HSP90AB1: variants seen among roughly 807,000 people sequenced by gnomAD.
The protein encoded by HSP90AB1 is heat shock protein 90 alpha family class B member 1, also known as heat shock protein HSP 90-beta.
HSP90AB1 carries 17 observed loss-of-function variants against 67.8 expected under a neutral mutation model. The observed-to-expected ratio is 0.25, with a 90% confidence interval of 0.17 to 0.38. HSP90AB1 has a LOEUF of 0.38. HSP90AB1 is among the 10% of genes least tolerant of loss of function. HSP90AB1 has a pLI of 1.00. For missense variants in HSP90AB1, 690 were observed against 899.9 expected (o/e 0.77, Z 2.98); for synonymous variants, 390 against 312.9 (o/e 1.25, Z -2.60).
chr6:44,253,478 T>C lies in HSP90AB1; in HGVS notation c.2066-11T>C, dbSNP rs769591532. 1.2e-6 allele frequency: 2 copies of C among 1,612,228 alleles called. No individual in the cohort carries two copies. Among genetic ancestry groups the C allele is most frequent in the East Asian group, 4.5e-5 (2 of 44,832 alleles). ...TTTGGTCAAGTCTCACATGGCTTAA[T>C]TTTACTTCAGGTATTGATGAAGATG... is the stretch of plus-strand genomic sequence containing the variant. On this transcript the variant is annotated splice_polypyrimidine_tract_variant and intron_variant, in intron 11 of 11. Coordinates refer to ENST00000371646, the MANE Select transcript of HSP90AB1 (RefSeq NM_007355.4).
intron 6 of HSP90AB1, 83 bp from the exon 7 acceptor site, chr6:44,250,965 C>A: frequency 1.6e-6 from 2 of 1,218,188 alleles, no homozygotes. Context: ...TAGGGAGGAT[C>A]ATTGTTCCAC....
At chr6:44,249,991 C>T in intron 4 of HSP90AB1, 30 bp from the exon 5 acceptor site, 3 of 1,613,350 alleles carry the variant, frequency 1.9e-6, no homozygotes, top group South Asian at 1.1e-5. Context: ...ACTTTTTACC[C>T]TGTTACACGC....
At chr6:44,252,796 C>G (rs889894312) in intron 10 of HSP90AB1, among the ~76,000 whole-genome samples, 1 of 149,864 alleles carries the variant, frequency 6.7e-6, no homozygotes, top group Admixed American at 6.6e-5. Flanking sequence ...CATGCCTGGC[C>G]GATTTTTTTT....
At chr6:44,249,312 C>G in intron 2 of HSP90AB1, 65 bp from the exon 3 acceptor site, 1 of 1,363,324 alleles carries the variant, frequency 7.3e-7, no homozygotes, top group Non-Finnish European at 1.0e-6. Context: ...TGCACTGTAG[C>G]TTGGGCAACA....
chr6:44,246,899 G>A (rs1411351030), upstream of HSP90AB1, among the ~76,000 whole-genome samples: 1 of 152,238 alleles, frequency 6.6e-6, no homozygotes, highest in Non-Finnish European at 1.5e-5. Context: ...CTATGGGGCT[G>A]TGATCACAAG....
At position 44,253,263 on chromosome 6, in the gene HSP90AB1, A is replaced by G. The variant is rs370352253; in HGVS notation, c.1950A>G (p.Ala650=). ...CTGAGGCCGACAAGAATGATAAGGC[A>G]GTTAAGGACCTGGTGGTGCTGCTGT... The part of the protein sequence containing the change: ...QKAEADKNDK[A]VKDLVVLLFE... Residue 650 remains alanine (A), a synonymous_variant, in exon 11 of 12, where the codon GCA becomes GCG. Transcript: ENST00000371646. The G allele has an allele frequency of 4.0e-5, 65 of 1,614,128 alleles. No individual in the cohort carries two copies. Among genetic ancestry groups the G allele is most frequent in the Non-Finnish European group, 5.4e-5 (64 of 1,180,042 alleles).
chr6:44,248,372 T>G (rs968603261), intron 1 of HSP90AB1, among the ~76,000 whole-genome samples: 7 of 152,220 alleles, frequency 4.6e-5, no homozygotes, highest in Non-Finnish European at 7.3e-5. Flanking sequence ...TCACCATTCT[T>G]TAAGTAGGTG....
At chr6:44,246,592 G>A (rs1043608003), upstream of HSP90AB1, among the ~76,000 whole-genome samples, 7 of 152,238 alleles carry the variant, frequency 4.6e-5, no homozygotes, top group Non-Finnish European at 8.8e-5. Context: ...CTACTCCTGC[G>A]AGAGTCGGGA....
rs771073911 is a variant in HSP90AB1 at position 44,253,759 on chromosome 6, C to T, written c.*161C>T. 2.6e-6 allele frequency: 2 copies of T among 779,214 alleles called. No homozygotes were observed. Among genetic ancestry groups the T allele is most frequent in the African/African-American group, 1.7e-5 (1 of 59,140 alleles). 48.3% of individuals were successfully genotyped at this position (779,214 alleles called of 1,614,324 possible). A position where few individuals can be genotyped will look rare whatever the true frequency, so the allele number is the denominator to read the frequency against. ...GTTGAAGGCAGTAAACTAAGGGTGT[C>T]AAGCCCCATTCCCTCTCTACTCTTG... On this transcript the variant is annotated 3_prime_UTR_variant, in exon 12 of 12. Coordinates refer to ENST00000371646, the MANE Select transcript of HSP90AB1 (RefSeq NM_007355.4).
Position 44,249,588 on chromosome 6 carries a change from T to C in HSP90AB1, c.354+5T>C. On this transcript the variant is annotated splice_donor_5th_base_variant and intron_variant, in intron 3 of 11. Coordinates refer to ENST00000371646, the MANE Select transcript of HSP90AB1 (RefSeq NM_007355.4). ...GCATTCATGGAGGCTCTTCAGGTAT[T>C]GCAGTTCTGTAGGCATTCATACTTA... is the stretch of plus-strand genomic sequence containing the variant. 3.7e-6 allele frequency: 6 copies of C among 1,613,590 alleles called. No individual in the cohort carries two copies. Among genetic ancestry groups the C allele is most frequent in the Non-Finnish European group, 4.2e-6 (5 of 1,179,512 alleles).
intron 3 of HSP90AB1, 29 bp from the exon 4 acceptor site, chr6:44,249,646 C>T: frequency 1.9e-6 from 3 of 1,611,360 alleles, no homozygotes; most frequent in Non-Finnish European, 2.5e-6. Flanking sequence ...TTCTTTAAAA[C>T]TTGTGATTGA....
At position 44,250,452 on chromosome 6, in the gene HSP90AB1, G is replaced by A. The variant is rs750624640; in HGVS notation, c.810G>A (p.Lys270=). 3.7e-6 allele frequency: 6 copies of A among 1,613,766 alleles called. No individual in the cohort carries two copies. The highest frequency in any genetic ancestry group is 4.2e-6 in the Non-Finnish European group (5 of 1,179,786). ...GTAAGGATAAGAAGAAGAAAACTAAGAAGATCAAAGAGAAATACATTGATC... is the reference window on the plus strand; with the variant it reads ...GTAAGGATAAGAAGAAGAAAACTAAAAAGATCAAAGAGAAATACATTGATC... ...DSGKDKKKKT[K]KIKEKYIDQE... Residue 270 remains lysine (K), a synonymous_variant, in exon 6 of 12, where the codon AAG becomes AAA. Transcript: ENST00000371646.
intron 1 of HSP90AB1, 78 bp from the exon 2 acceptor site, chr6:44,248,552 A>G (rs7768729): frequency 0.07 from 98,210 of 1,395,142 alleles, 4,133 homozygotes; most frequent in Non-Finnish European, 0.082. Context: ...CTAAGGTCCT[A>G]ACAAATGATA....
rs368189610 is a variant in HSP90AB1 at position 44,253,276 on chromosome 6, G to T, written c.1963G>T (p.Val655Leu). The change falls in exon 11 of 12, where the codon GTG becomes TTG. Residue 655 changes from valine (V) to leucine (L), a missense_variant. This residue lies in a region of HSP90AB1 where 120 missense variants were observed against 153.5 expected (regional missense o/e 0.78). Transcript: ENST00000371646. Reference protein sequence around the residue: ...DKNDKAVKDLVVLLFETALLS... With the variant: ...DKNDKAVKDLLVLLFETALLS... Reference sequence around the variant, plus strand: ...GAATGATAAGGCAGTTAAGGACCTGGTGGTGCTGCTGTTTGAAACCGCCCT... The same window carrying T: ...GAATGATAAGGCAGTTAAGGACCTGTTGGTGCTGCTGTTTGAAACCGCCCT... 3 of 1,614,106 alleles carry T rather than the reference G, an allele frequency of 1.9e-6. No homozygotes were observed. Among genetic ancestry groups the T allele is most frequent in the Non-Finnish European group, 2.5e-6 (3 of 1,180,040 alleles).
At chr6:44,248,862 G>A in intron 2 of HSP90AB1, 86 bp downstream of exon 2, 2 of 1,243,586 alleles carry the variant, frequency 1.6e-6, no homozygotes, top group South Asian at 2.7e-5. Context: ...GCCTTTGTTG[G>A]GGACTACTAT....
At chr6:44,248,605 G>A (rs1449973533) in intron 1 of HSP90AB1, 25 bp from the exon 2 acceptor site, 1 of 1,598,846 alleles carries the variant, frequency 6.3e-7, no homozygotes, top group East Asian at 2.2e-5. Context: ...GTGTTCTTTT[G>A]TAATTAATGA....
intron 2 of HSP90AB1, 76 bp downstream of exon 2, chr6:44,248,852 G>A: frequency 7.2e-7 from 1 of 1,384,430 alleles, no homozygotes; most frequent in East Asian, 2.3e-5. Flanking sequence ...GAGTGGTTTG[G>A]CCTTTGTTGG....
In HSP90AB1 at chr6:44,250,079, G is replaced by C; in HGVS notation, c.573G>C (p.Glu191Asp). ...VILHLKEDQT[E>D]YLEERRVKEV... ...TCCATCTTAAAGAAGATCAGACAGA[G>C]TACCTAGAAGAGAGGCGGGTCAAAG... is the stretch of plus-strand genomic sequence containing the variant. The change falls in exon 5 of 12, where the codon GAG becomes GAC. Residue 191 changes from glutamate to aspartate, a missense_variant. Physicochemically the swap from Glu to Asp is conservative, Grantham distance 45. Coordinates refer to ENST00000371646, the MANE Select transcript of HSP90AB1 (RefSeq NM_007355.4). The C allele has an allele frequency of 2.5e-6, 4 of 1,614,150 alleles. No individual in the cohort carries two copies. Among genetic ancestry groups the C allele is most frequent in the South Asian group, 1.1e-5 (1 of 91,082 alleles).
chr6:44,251,166 G>A lies in HSP90AB1; in HGVS notation c.1076G>A (p.Arg359His), dbSNP rs1780596318. The change falls in exon 7 of 12, where the codon CGT becomes CAT. Residue 359 changes from arginine (R) to histidine (H), a missense_variant. This residue lies in a region of HSP90AB1 where 101 missense variants were observed against 174.8 expected (regional missense o/e 0.58). Coordinates refer to ENST00000371646, the MANE Select transcript of HSP90AB1 (RefSeq NM_007355.4). The stretch of plus-strand genomic sequence containing the variant: ...AACAACATCAAACTCTATGTCCGCC[G>A]TGTGTTCATCATGGACAGCTGTGAT... Reference protein sequence around the residue: ...KKNNIKLYVRRVFIMDSCDEL... With the variant: ...KKNNIKLYVRHVFIMDSCDEL... 3.1e-6 allele frequency: 5 copies of A among 1,614,162 alleles called. No homozygotes were observed. The highest frequency in any genetic ancestry group is 1.1e-5 in the South Asian group (1 of 91,086).
Sources: gnomAD v4.1 joint callset for allele counts (sites outside exome capture counted in the v4.1 genomes callset) on GRCh38, gnomAD v4.1.1 for gene constraint, gnomAD v4.1.1 regional missense constraint, MANE v1.5 for transcripts, NCBI Gene and HGNC (gene_info 2026-07-23, HGNC 2026-07-21) for gene names.